The following CDH11 variants were observed in gnomAD, a reference collection of about 807,000 sequenced individuals.
The protein encoded by CDH11 is cadherin 11.
A neutral mutation model predicts 67.8 loss-of-function variants in CDH11; 11 were observed. The observed-to-expected ratio is 0.16, with a 90% CI of 0.10 to 0.27. The LOEUF (loss-of-function observed/expected upper bound fraction) is 0.27, where lower values mean the gene tolerates loss of function less well. CDH11 is among the 10% of genes least tolerant of loss of function. The pLI is 1.00. For synonymous variants in CDH11, 419 were observed against 400.0 expected, an observed-to-expected ratio of 1.05 and a Z score of -0.57; for missense variants, 847 against 1,031.2, an observed-to-expected ratio of 0.82 and a Z score of 2.45.
chr16:64,950,912 A>G lies in CDH11; in HGVS notation c.1749T>C (p.Ser583=). Residue 583 remains serine, a synonymous_variant, in exon 12 of 13, where the codon AGT becomes AGC. Coordinates refer to ENST00000268603, the MANE Select transcript of CDH11 (RefSeq NM_001797.4). ...VISDGGIPPM[S]STNTLTIKVC... ...CTTTGATGGTGAGGGTGTTGGTGCT[A>G]CTCATGGGCGGGATGCCGCCATCGC... The G allele has an allele frequency of 6.2e-7, 1 of 1,614,184 alleles. No homozygotes were observed. The highest frequency in any genetic ancestry group is 8.5e-7 in the Non-Finnish European group (1 of 1,180,034).
chr16:64,981,667 C>G (rs1418210040), intron 8 of CDH11: 1 of 158,460 alleles, frequency 6.3e-6, no homozygotes, highest in Admixed American at 6.3e-5. Context: ...GATCACATAC[C>G]TAACCTCCTC....
chr16:64,948,010 T>C lies in CDH11; in HGVS notation c.1984A>G (p.Thr662Ala). 6.2e-7 allele frequency: 1 copy of C among 1,614,182 alleles called. No homozygotes were observed. Among genetic ancestry groups the C allele is most frequent in the Non-Finnish European group, 8.5e-7 (1 of 1,180,034 alleles). ...EEEDVRENII[T>A]YDDEGGGEED... ...TCCCCACCCCCTTCATCATCATAAG[T>C]AATGATGTTCTCACGGACATCTTCT... is the stretch of plus-strand genomic sequence containing the variant. The change falls in exon 13 of 13, where the codon ACT becomes GCT. Residue 662 changes from threonine (T) to alanine (A), a missense_variant. Physicochemically the swap from Thr to Ala is moderately conservative, Grantham distance 58 (BLOSUM62 0). Coordinates refer to ENST00000268603, the MANE Select transcript of CDH11 (RefSeq NM_001797.4).
intron 1 of CDH11, among the ~76,000 whole-genome samples, chr16:65,076,427 A>G (rs1216327628): frequency 6.6e-6 from 1 of 152,174 alleles, no homozygotes; most frequent in Non-Finnish European, 1.5e-5. Flanking sequence ...GCATCCATCA[A>G]TAACCTCATA....
chr16:65,063,310 C>T (rs933590506), intron 1 of CDH11, among the ~76,000 whole-genome samples: 11 of 151,924 alleles, frequency 7.2e-5, no homozygotes, highest in African/African-American at 2.4e-4. Context: ...CTTTTACTAA[C>T]TCCATTGTTA....
intron 1 of CDH11, among the ~76,000 whole-genome samples, chr16:65,114,548 C>G (rs972107932): frequency 6.6e-6 from 1 of 151,960 alleles, no homozygotes; most frequent in African/African-American, 2.4e-5. Flanking sequence ...GATGAGGTAC[C>G]GAGTAGAGCG....
chr16:65,086,315 C>T (rs1261042923), intron 1 of CDH11, among the ~76,000 whole-genome samples: 1 of 152,198 alleles, frequency 6.6e-6, no homozygotes, highest in Non-Finnish European at 1.5e-5. Flanking sequence ...TATAGATCAT[C>T]AGAGTCACTT....
chr16:65,045,908 T>A (rs2073954286), intron 2 of CDH11, among the ~76,000 whole-genome samples: 2 of 152,212 alleles, frequency 1.3e-5, no homozygotes, highest in South Asian at 4.1e-4. Context: ...CATAAAATAG[T>A]ACCAAGGAGG....
chr16:64,966,014 A>G (rs976171482), intron 11 of CDH11, among the ~76,000 whole-genome samples: 8 of 152,176 alleles, frequency 5.3e-5, no homozygotes, highest in Admixed American at 5.2e-4. Context: ...AGAAAAAAAA[A>G]GAAGTACAGT....
chr16:65,047,630 A>G (rs915954413), intron 2 of CDH11, among the ~76,000 whole-genome samples: 15 of 152,100 alleles, frequency 9.9e-5, no homozygotes, highest in Non-Finnish European at 1.5e-4. Context: ...GATTACAGGC[A>G]TGAGCCACCA....
Position 64,946,082 on chromosome 16 carries a change from C to T in CDH11, c.*1521G>A. The T allele has an allele frequency of 9.4e-7, 1 of 1,058,244 alleles. No individual in the cohort carries two copies. Among genetic ancestry groups the T allele is most frequent in the Non-Finnish European group, 1.1e-6 (1 of 874,864 alleles). The allele number at this position is 1,058,244 out of a possible 1,614,324, so 65.6% of individuals were successfully genotyped here. On this transcript the variant is annotated 3_prime_UTR_variant, in exon 13 of 13. Coordinates refer to ENST00000268603, the MANE Select transcript of CDH11 (RefSeq NM_001797.4). The stretch of plus-strand genomic sequence containing the variant: ...ACTCCTGGACCAAATGGCATCGACT[C>T]TCAGAATCCAAAATGGTCCCTGCCC...
chr16:64,974,533 G>A (rs2072108661), intron 8 of CDH11, among the ~76,000 whole-genome samples: 1 of 152,174 alleles, frequency 6.6e-6, no homozygotes, highest in African/African-American at 2.4e-5. Flanking sequence ...TTTCAGGAAA[G>A]AGGGACCCCC....
chr16:65,086,238 G>C (rs899115803), intron 1 of CDH11, among the ~76,000 whole-genome samples: 1 of 152,200 alleles, frequency 6.6e-6, no homozygotes, highest in Non-Finnish European at 1.5e-5. Context: ...TAAATACATA[G>C]TGGCATGCAG....
intron 1 of CDH11, among the ~76,000 whole-genome samples, chr16:65,074,160 C>G (rs2074467217): frequency 6.6e-6 from 1 of 152,136 alleles, no homozygotes; most frequent in South Asian, 2.1e-4. Context: ...CTTTCATTCC[C>G]TTATTCTTTT....
Position 64,998,688 on chromosome 16 carries a change from T to G in CDH11, c.397A>C (p.Arg133=), listed in dbSNP as rs753242451. The G allele has an allele frequency of 1.7e-5, 28 of 1,614,030 alleles. No individual in the cohort carries two copies. Among genetic ancestry groups the G allele is most frequent in the Non-Finnish European group, 2.1e-5 (25 of 1,180,040 alleles). ...QYTLMAQAVD[R]DTNRPLEPPS... is the part of the protein sequence containing the mutation. ...GGCTCCAGTGGCCGATTGGTGTCCCTGTCCACCGCCTGAGCCATCAACGTG... is the reference window on the plus strand; with the variant it reads ...GGCTCCAGTGGCCGATTGGTGTCCCGGTCCACCGCCTGAGCCATCAACGTG... The change falls in exon 4 of 13, where the codon AGG becomes CGG. Residue 133 remains arginine, a synonymous_variant. Transcript: ENST00000268603.
intron 4 of CDH11, among the ~76,000 whole-genome samples, chr16:64,996,161 G>A (rs1402453972): frequency 6.6e-6 from 1 of 152,076 alleles, no homozygotes; most frequent in African/African-American, 2.4e-5. Flanking sequence ...AGGTCACTCT[G>A]AAAAGCAATT....
chr16:65,028,578 G>A (rs1452701543), intron 2 of CDH11, among the ~76,000 whole-genome samples: 1 of 152,108 alleles, frequency 6.6e-6, no homozygotes, highest in Non-Finnish European at 1.5e-5. Context: ...CTGCAGCTGA[G>A]ATATCCCAGC....
At chr16:65,075,001 A>C (rs1010278547) in intron 1 of CDH11, among the ~76,000 whole-genome samples, 1 of 152,132 alleles carries the variant, frequency 6.6e-6, no homozygotes, top group African/African-American at 2.4e-5. Flanking sequence ...TGCTGTCTCA[A>C]ATCTTACACT....
At chr16:65,062,662 G>A (rs906960194) in intron 1 of CDH11, among the ~76,000 whole-genome samples, 1 of 152,180 alleles carries the variant, frequency 6.6e-6, no homozygotes, top group African/African-American at 2.4e-5. Context: ...GACACAAGCT[G>A]TACAAACTCT....
intron 2 of CDH11, among the ~76,000 whole-genome samples, chr16:65,019,851 T>C (rs1003928281): frequency 6.6e-6 from 1 of 152,116 alleles, no homozygotes; most frequent in Admixed American, 6.6e-5. Context: ...CCTTCAGCTT[T>C]AGCCTATCTC....
Sources: allele counts gnomAD v4.1 joint callset (sites outside exome capture counted in the v4.1 genomes callset), GRCh38; gene constraint gnomAD v4.1.1; transcripts MANE v1.5; gene names NCBI Gene and HGNC (gene_info 2026-07-23, HGNC 2026-07-21).